INVS: variants seen among roughly 807,000 people sequenced by gnomAD.
INVS encodes inversion of embryo turning homolog.
INVS carries 86 observed loss-of-function variants against 108.8 expected under a neutral mutation model. The ratio of observed to expected loss-of-function variants is 0.79; its 90% CI spans 0.66 to 0.95. The LOEUF (loss-of-function observed/expected upper bound fraction) is 0.95. INVS is among the 40% of genes least tolerant of loss of function. INVS has a pLI of 0.00. For synonymous variants in INVS, 455 were observed against 473.5 expected (o/e 0.96, Z 0.51); for missense variants, 1,169 against 1,297.4 (o/e 0.90, Z 1.52).
At chr9:100,282,197 T>G (rs531676308) in intron 12 of INVS, among the ~76,000 whole-genome samples, 1 of 152,320 alleles carries the variant, frequency 6.6e-6, no homozygotes, top group African/African-American at 2.4e-5. Flanking sequence ...TGCTTCCACC[T>G]TCTTCTGAAA....
At chr9:100,130,343 G>A (rs1828018348) in intron 3 of INVS, 1 of 152,076 alleles carries the variant, frequency 6.6e-6, no homozygotes, top group African/African-American at 2.4e-5. Context: ...GTGTATTTTA[G>A]GGGGACTAAT....
chr9:100,204,297 C>T (rs1355034662), intron 3 of INVS, among the ~76,000 whole-genome samples: 3 of 152,182 alleles, frequency 2.0e-5, no homozygotes, highest in Non-Finnish European at 4.4e-5. Flanking sequence ...ATGCAGTTCA[C>T]TTCTATTCAC....
At chr9:100,113,918 C>A (rs1276964776) in intron 2 of INVS, among the ~76,000 whole-genome samples, 1 of 152,156 alleles carries the variant, frequency 6.6e-6, no homozygotes, top group Non-Finnish European at 1.5e-5. Context: ...TCCATTAGCA[C>A]AGTTCAGGCC....
At chr9:100,219,485 AT>A (rs1588097175) in intron 3 of INVS, among the ~76,000 whole-genome samples, 1 of 152,190 alleles carries the variant, frequency 6.6e-6, no homozygotes, top group East Asian at 1.9e-4. Context: ...ATTGGCAAAA[AT>A]TAGCAAGTCA....
intron 10 of INVS, among the ~76,000 whole-genome samples, chr9:100,258,333 T>A (rs1357055358): frequency 6.6e-6 from 1 of 152,182 alleles, no homozygotes; most frequent in Non-Finnish European, 1.5e-5. Context: ...TTTATCTTCT[T>A]TGCAATGGGT....
intron 14 of INVS, 116 bp downstream of exon 14, chr9:100,293,159 A>C: frequency 2.3e-6 from 2 of 869,814 alleles, no homozygotes; most frequent in Non-Finnish European, 3.9e-6. Flanking sequence ...TGGTAAGGCC[A>C]ATTTTATAGA....
At chr9:100,162,757 G>A (rs996476293) in intron 3 of INVS, among the ~76,000 whole-genome samples, 11 of 151,850 alleles carry the variant, frequency 7.2e-5, no homozygotes, top group Non-Finnish European at 1.5e-4. Context: ...AACCTGGGAG[G>A]CGGAGGTTGC....
intron 3 of INVS, among the ~76,000 whole-genome samples, chr9:100,208,320 A>C (rs1830734927): frequency 1.3e-5 from 2 of 152,240 alleles, no homozygotes; most frequent in South Asian, 4.1e-4. Context: ...AATGGATAAT[A>C]GTTACTAAGT....
chr9:100,214,584 A>T (rs1197395572), intron 3 of INVS, among the ~76,000 whole-genome samples: 2 of 152,222 alleles, frequency 1.3e-5, no homozygotes, highest in Non-Finnish European at 2.9e-5. Flanking sequence ...GAAGAAGCAT[A>T]TGGATTTGTG....
chr9:100,227,077 A>G (rs1831351466), intron 4 of INVS, among the ~76,000 whole-genome samples: 1 of 152,200 alleles, frequency 6.6e-6, no homozygotes, highest in African/African-American at 2.4e-5. Context: ...TGTATGGAAA[A>G]AGGTTAATAG....
intron 11 of INVS, among the ~76,000 whole-genome samples, chr9:100,266,234 G>T (rs1356316967): frequency 6.6e-6 from 1 of 152,198 alleles, no homozygotes; most frequent in African/African-American, 2.4e-5. Flanking sequence ...TCCCGATCCA[G>T]ACCCCGTCAG....
intron 12 of INVS, among the ~76,000 whole-genome samples, chr9:100,283,799 C>T (rs2787379): frequency 0.53 from 80,392 of 152,076 alleles, 22,211 homozygotes; most frequent in African/African-American, 0.59. Context: ...ACGGCAGCAT[C>T]TGCAACTCAC....
At chr9:100,187,501 A>G (rs988141195) in intron 3 of INVS, among the ~76,000 whole-genome samples, 5 of 131,252 alleles carry the variant, frequency 3.8e-5, no homozygotes, top group Admixed American at 1.5e-4. Context: ...ATGTGTTTCC[A>G]TTTGTTTGTA....
chr9:100,124,033 T>C (rs1827804827), intron 2 of INVS, among the ~76,000 whole-genome samples: 1 of 152,214 alleles, frequency 6.6e-6, no homozygotes, highest in Non-Finnish European at 1.5e-5. Flanking sequence ...GGTCTTGAAC[T>C]CTAGGCCTCA....
chr9:100,137,442 A>G (rs1397119919), intron 3 of INVS, among the ~76,000 whole-genome samples: 1 of 152,164 alleles, frequency 6.6e-6, no homozygotes, highest in African/African-American at 2.4e-5. Context: ...CATAACAAGG[A>G]CCTTGTTATT....
At chr9:100,295,686 T>A (rs925072156) in intron 14 of INVS, among the ~76,000 whole-genome samples, 9 of 152,138 alleles carry the variant, frequency 5.9e-5, no homozygotes, top group African/African-American at 2.2e-4. Context: ...ATCTTAAAAT[T>A]GTCAGTTTAA....
intron 13 of INVS, 21 bp from the exon 14 acceptor site, chr9:100,292,305 T>G (rs762572062): frequency 5.8e-5 from 92 of 1,597,648 alleles, no homozygotes; most frequent in Non-Finnish European, 7.6e-5. Flanking sequence ...TTGGACAATA[T>G]TTTTTCTTTG....
intron 2 of INVS, among the ~76,000 whole-genome samples, chr9:100,107,600 C>G (rs567232724): frequency 7.2e-5 from 11 of 152,300 alleles, no homozygotes; most frequent in Admixed American, 6.5e-4. Context: ...TATTCTCTGT[C>G]TGAATAACTC....
chr9:100,110,090 A>G (rs1827296006), intron 2 of INVS, among the ~76,000 whole-genome samples: 1 of 152,234 alleles, frequency 6.6e-6, no homozygotes, highest in South Asian at 2.1e-4. Context: ...CTTAAAAGCT[A>G]GAGTCATTAA....
Sources: allele counts gnomAD v4.1 joint callset (sites outside exome capture counted in the v4.1 genomes callset), GRCh38; gene constraint gnomAD v4.1.1; transcripts MANE v1.5; gene names NCBI Gene and HGNC (gene_info 2026-07-23, HGNC 2026-07-21).